The following USP42 variants were observed in gnomAD, a reference collection of about 807,000 sequenced individuals.
USP42 encodes ubiquitin specific peptidase 42.
A neutral mutation model predicts 113.0 loss-of-function variants in USP42; 23 were observed. That is an observed-to-expected ratio of 0.20 (90% CI 0.15 to 0.29). USP42 has a LOEUF of 0.29. Among genes scored for constraint, USP42 ranks in the 10% least tolerant of loss-of-function variants. The pLI, the probability that USP42 is intolerant of heterozygous loss-of-function variation, is 1.00. For missense variants in USP42, 2,174 were observed against 1,779.8 expected, an observed-to-expected ratio of 1.22 and a Z score of -3.99; for synonymous variants, 933 against 699.0, an observed-to-expected ratio of 1.33 and a Z score of -5.28.
At chr7:6,153,721 GCTA>G (rs1232240895) in intron 14 of USP42, 32 bp from the exon 15 acceptor site, 1 of 1,427,242 alleles carries the variant, frequency 7.0e-7, no homozygotes, top group Non-Finnish European at 9.2e-7. Flanking sequence ...TCAAGCCCAC[GCTA>G]ACGGGCGTGT....
rs1225213147 is a variant in USP42 at position 6,161,457 on chromosome 7, A to ATGTT, written c.*941_*944dup. 3.9e-5 allele frequency: 6 copies of ATGTT among 152,606 alleles called. No homozygotes were observed. Among genetic ancestry groups the ATGTT allele is most frequent in the Admixed American group, 2.0e-4 (3 of 15,286 alleles). 9.5% of individuals were successfully genotyped at this position (152,606 alleles called of 1,614,324 possible). A position where few individuals can be genotyped will look rare whatever the true frequency, so the allele number is the denominator to read the frequency against. On this transcript the variant is annotated 3_prime_UTR_variant, in exon 18 of 18. Transcript: ENST00000306177. ...TTTATACAGTTTGTGTTGTTCAGAG[A>ATGTT]TGTTTAAAGTTTGATCTTTGTTTTT...
chr7:6,112,748 A>T (rs1307981766), intron 2 of USP42, among the ~76,000 whole-genome samples: 2 of 152,016 alleles, frequency 1.3e-5, no homozygotes, highest in African/African-American at 2.4e-5. Context: ...TTTTAAGCTC[A>T]TTAGCTGTCG....
At position 6,161,185 on chromosome 7, in the gene USP42, C is replaced by T. The variant is rs1432236933; in HGVS notation, c.*667C>T. On this transcript the variant is annotated 3_prime_UTR_variant, in exon 18 of 18. Coordinates refer to ENST00000306177, the MANE Select transcript of USP42 (RefSeq NM_032172.3). ...ATAACCCAGACATGATTTGTAAAGCCGACAGTATGTTTCTATTACACAACA... is the reference window on the plus strand; with the variant it reads ...ATAACCCAGACATGATTTGTAAAGCTGACAGTATGTTTCTATTACACAACA... The T allele has an allele frequency of 2.0e-5, 3 of 152,682 alleles. No homozygotes were observed. Among genetic ancestry groups the T allele is most frequent in the Admixed American group, 6.5e-5 (1 of 15,292 alleles). The allele number at this position is 152,682 out of a possible 1,614,324, so 9.5% of individuals were successfully genotyped here.
intron 3 of USP42, among the ~76,000 whole-genome samples, chr7:6,133,344 T>C (rs990852268): frequency 1.3e-5 from 2 of 152,204 alleles, no homozygotes; most frequent in East Asian, 3.8e-4. Context: ...AACTTAAAAT[T>C]GTCCCATAGC....
In USP42 at chr7:6,154,851, C is replaced by T; in HGVS notation, c.3297C>T (p.Gly1099=). The T allele has an allele frequency of 2.0e-6, 3 of 1,533,644 alleles. No homozygotes were observed. Among genetic ancestry groups the T allele is most frequent in the South Asian group, 1.2e-5 (1 of 82,870 alleles). The change falls in exon 15 of 18, where the codon GGC becomes GGT. Residue 1099 remains glycine (G), a synonymous_variant. Transcript: ENST00000306177. ...GGCCGCACAAGGACCACAACCGGGG[C>T]CGTAGGGGCTGCGAGCCGGCCCGGG... The part of the protein sequence containing the change: ...HERPHKDHNR[G]RRGCEPARER...
At position 6,157,453 on chromosome 7, in the gene USP42, G is replaced by C; in HGVS notation, c.3943+398G>C. 1 of 905,648 alleles carries C rather than the reference G, an allele frequency of 1.1e-6. No individual in the cohort carries two copies. Among genetic ancestry groups the C allele is most frequent in the East Asian group, 1.2e-4 (1 of 8,412 alleles). 56.1% of individuals were successfully genotyped at this position (905,648 alleles called of 1,614,324 possible). A position where few individuals can be genotyped will look rare whatever the true frequency, so the allele number is the denominator to read the frequency against. On this transcript the variant is annotated intron_variant, in intron 16 of 17. Transcript: ENST00000306177. This position sits in a 1 kb window ranked among gnomAD's most constrained non-coding sequence, Gnocchi z 4.1. ...GCTCTATTGCCCAGGCTGGAGTGCA[G>C]TGGCGGCGATCTCAGCTCACTGCAA... is the stretch of plus-strand genomic sequence containing the variant.
rs182974213 is a variant in USP42 at position 6,105,618 on chromosome 7, G to C, written c.-10+586G>C. 8.3e-3 allele frequency among the ~76,000 whole-genome samples: 1,262 copies of C among 152,232 alleles called. 19 individuals carry two copies. Among genetic ancestry groups the C allele is most frequent in the African/African-American group, 0.028 (1,169 of 41,552 alleles). On this transcript the variant is annotated intron_variant, in intron 1 of 17. Transcript: ENST00000306177. ...CCAGGCCTAGCCACCTGGCTGCTCCGTGGAGAGTCCGAGGTGCCCACGCCG... is the reference window on the plus strand; with the variant it reads ...CCAGGCCTAGCCACCTGGCTGCTCCCTGGAGAGTCCGAGGTGCCCACGCCG...
chr7:6,154,294 G>T lies in USP42; in HGVS notation c.2740G>T (p.Gly914Trp). 1 of 1,588,390 alleles carries T rather than the reference G, an allele frequency of 6.3e-7. No individual in the cohort carries two copies. Among genetic ancestry groups the T allele is most frequent in the Non-Finnish European group, 8.6e-7 (1 of 1,168,230 alleles). Reference protein sequence around the residue: ...LDMAPAGHPEGDAEPSPGERV... With the variant: ...LDMAPAGHPEWDAEPSPGERV... Reference sequence around the variant, plus strand: ...CATGGCCCCGGCCGGTCACCCGGAAGGGGACGCTGAGCCTAGCCCCGGCGA... The same window carrying T: ...CATGGCCCCGGCCGGTCACCCGGAATGGGACGCTGAGCCTAGCCCCGGCGA... The change falls in exon 15 of 18, where the codon GGG becomes TGG. Residue 914 changes from glycine (G) to tryptophan (W), a missense_variant. Transcript: ENST00000306177.
At chr7:6,098,097 G>T in the USP42 span, among the ~76,000 whole-genome samples, 1 of 147,414 alleles carries the variant, frequency 6.8e-6, no homozygotes, top group Admixed American at 6.8e-5. Context: ...GTAGAGACGG[G>T]TTTCACCATG....
chr7:6,101,137 G>A (rs1421504543), upstream of USP42, among the ~76,000 whole-genome samples: 1 of 151,076 alleles, frequency 6.6e-6, no homozygotes, highest in East Asian at 1.9e-4. Flanking sequence ...AGTGGGAGAT[G>A]AGTCTCCCCT....
At chr7:6,121,643 G>A (rs971847542) in intron 3 of USP42, among the ~76,000 whole-genome samples, 2 of 152,084 alleles carry the variant, frequency 1.3e-5, no homozygotes, top group Non-Finnish European at 2.9e-5. Context: ...TCATGGGCAG[G>A]TTTTAAACTA....
intron 12 of USP42, among the ~76,000 whole-genome samples, chr7:6,149,231 C>G (rs989194062): frequency 1.2e-4 from 18 of 152,154 alleles, no homozygotes; most frequent in African/African-American, 4.3e-4. Flanking sequence ...TCCTGGCACT[C>G]TGCATCAGCG....
At chr7:6,141,057 AT>A in intron 7 of USP42, 73 bp downstream of exon 7, 2 of 731,836 alleles carry the variant, frequency 2.7e-6, no homozygotes, top group South Asian at 3.9e-5. Flanking sequence ...TTCATTTATA[AT>A]TTAGACTACT....
chr7:6,091,995 T>C, the USP42 span, among the ~76,000 whole-genome samples: 2 of 70,332 alleles, frequency 2.8e-5, no homozygotes, highest in African/African-American at 4.8e-5. Context: ...TTCTTCTTCT[T>C]CTTCTTCTTC....
intron 3 of USP42, among the ~76,000 whole-genome samples, chr7:6,122,990 AT>A (rs1274503206): frequency 6.6e-6 from 1 of 151,478 alleles, no homozygotes; most frequent in Admixed American, 6.6e-5. Flanking sequence ...CACCTGACTG[AT>A]TTTTGTATTT....
chr7:6,133,014 G>C (rs1212575500), intron 3 of USP42, among the ~76,000 whole-genome samples: 2 of 152,132 alleles, frequency 1.3e-5, no homozygotes, highest in Non-Finnish European at 2.9e-5. Context: ...TTTTATCACT[G>C]GTTGTAAGTA....
intron 3 of USP42, among the ~76,000 whole-genome samples, chr7:6,127,272 A>G (rs1780592235): frequency 6.6e-6 from 1 of 152,192 alleles, no homozygotes; most frequent in African/African-American, 2.4e-5. Flanking sequence ...GTTGTTTTAC[A>G]GACAGAGGTT....
intron 3 of USP42, among the ~76,000 whole-genome samples, chr7:6,120,938 A>G (rs1387029996): frequency 6.6e-6 from 1 of 152,204 alleles, no homozygotes; most frequent in Non-Finnish European, 1.5e-5. Context: ...TAAAATTTCA[A>G]CTTACTGATT....
chr7:6,159,438 T>A lies in USP42; in HGVS notation c.3944-12T>A, dbSNP rs1335708358. The A allele has an allele frequency of 1.2e-6, 2 of 1,613,844 alleles. No homozygotes were observed. ...CATCATTAAAATCTCTTTCCTGACCTTTGCTTTCTAGGTGATTGAAAACTC... is the reference window on the plus strand; with the variant it reads ...CATCATTAAAATCTCTTTCCTGACCATTGCTTTCTAGGTGATTGAAAACTC... On this transcript the variant is annotated splice_polypyrimidine_tract_variant and intron_variant, in intron 16 of 17. Coordinates refer to ENST00000306177, the MANE Select transcript of USP42 (RefSeq NM_032172.3). This position sits in a 1 kb window ranked among gnomAD's most constrained non-coding sequence, Gnocchi z 4.1.
Sources: allele counts gnomAD v4.1 joint callset (sites outside exome capture counted in the v4.1 genomes callset), GRCh38; gene constraint gnomAD v4.1.1; non-coding constraint Gnocchi (gnomAD v3.1); transcripts MANE v1.5; gene names NCBI Gene and HGNC (gene_info 2026-07-23, HGNC 2026-07-21).